EPS8: variants seen among roughly 807,000 people sequenced by gnomAD.
EPS8 encodes the protein EGFR pathway substrate 8, signaling adaptor, also known as epidermal growth factor receptor kinase substrate 8.
In EPS8, 42 loss-of-function variants were observed where a neutral mutation model predicts 103.8. The observed-to-expected ratio is 0.40, with a 90% CI of 0.32 to 0.52. The LOEUF is 0.52. EPS8 is among the 20% of genes least tolerant of loss of function. The pLI, the probability that EPS8 is intolerant of heterozygous loss-of-function variation, is 0.40. For missense variants in EPS8, 969 were observed against 1,005.1 expected, an observed-to-expected ratio of 0.96 and a Z score of 0.49; for synonymous variants, 344 against 344.6, an observed-to-expected ratio of 1.00 and a Z score of 0.02.
rs1946642480 is a variant in EPS8, at chr12:15,725,473, A to T, written c.-21-42501T>A. Among the ~76,000 whole-genome samples, 1 of 137,590 alleles carries T rather than the reference A, an allele frequency of 7.3e-6. No homozygotes were observed. The highest frequency in any genetic ancestry group is 2.2e-4 in the East Asian group (1 of 4,564). 90.3% of individuals were successfully genotyped at this position (137,590 alleles called of 152,430 possible). On this transcript the variant is annotated intron_variant, in intron 1 of 20. Coordinates refer to ENST00000281172, the MANE Select transcript of EPS8 (RefSeq NM_004447.6). This position sits in a 1 kb window ranked among gnomAD's most constrained non-coding sequence, Gnocchi z 4.5. The stretch of plus-strand genomic sequence containing the variant: ...TCTCAAAAAAAAAAGGAAAAAAACT[A>T]AAAAAAAAAAAAAAATCTGCATGGG...
chr12:15,773,961 A>T (rs914268640), intron 1 of EPS8, among the ~76,000 whole-genome samples: 4 of 152,170 alleles, frequency 2.6e-5, no homozygotes, highest in Non-Finnish European at 5.9e-5. Context: ...ATGCATTCAT[A>T]AATATTTGTT....
intron 3 of EPS8, among the ~76,000 whole-genome samples, chr12:15,680,483 C>T (rs1945986203): frequency 1.3e-5 from 2 of 152,138 alleles, no homozygotes; most frequent in African/African-American, 4.8e-5. Context: ...ATTAGGCACA[C>T]GCAGGTAAAT....
Position 15,641,742 on chromosome 12 carries a change from G to T in EPS8, c.1657C>A (p.Leu553Ile). The change falls in exon 16 of 21, where the codon CTA (leucine) becomes ATA (isoleucine). Residue 553 changes from leucine (L) to isoleucine (I), a missense_variant. Leu to Ile is a conservative substitution (Grantham distance 5, BLOSUM62 2). Transcript: ENST00000281172. ...VARNNSELSV[L>I]KDDILEILDD... ...ATTACCTCTAAAATATCATCCTTTA[G>T]AACCGAGAGCTCACTGTTGTTCCTT... The T allele has an allele frequency of 6.4e-7, 1 of 1,570,884 alleles. No individual in the cohort carries two copies. Among genetic ancestry groups the T allele is most frequent in the Middle Eastern group, 1.7e-4 (1 of 5,898 alleles).
At chr12:15,665,975 T>C in intron 7 of EPS8, 83 bp from the exon 8 acceptor site, 1 of 1,400,666 alleles carries the variant, frequency 7.1e-7, no homozygotes, top group South Asian at 1.3e-5. Context: ...GTACTAGTTA[T>C]TAAAATTCAA....
chr12:15,671,053 T>C (rs1177330888), intron 3 of EPS8, 130 bp from the exon 4 acceptor site: 2 of 568,436 alleles, frequency 3.5e-6, no homozygotes, highest in Non-Finnish European at 6.2e-6. Flanking sequence ...GTTGCCATTG[T>C]GTGGTGTATC....
chr12:15,756,256 C>T (rs1264612610), intron 1 of EPS8, among the ~76,000 whole-genome samples: 2 of 152,118 alleles, frequency 1.3e-5, no homozygotes, highest in Admixed American at 6.5e-5. Context: ...GTAGTCTAGA[C>T]AACAGGGTTC....
At chr12:15,680,066 T>G (rs1945978163) in intron 3 of EPS8, among the ~76,000 whole-genome samples, 1 of 152,188 alleles carries the variant, frequency 6.6e-6, no homozygotes, top group Admixed American at 6.5e-5. Context: ...TAGACCATGG[T>G]AATAATGTCA....
chr12:15,677,818 G>A (rs992300387), intron 3 of EPS8, among the ~76,000 whole-genome samples: 2 of 152,096 alleles, frequency 1.3e-5, no homozygotes, highest in Non-Finnish European at 2.9e-5. Flanking sequence ...CTCCCTCTGA[G>A]AGTTCTCAGA....
At chr12:15,686,457 T>A (rs1402424952) in intron 1 of EPS8, among the ~76,000 whole-genome samples, 1 of 152,160 alleles carries the variant, frequency 6.6e-6, no homozygotes, top group East Asian at 1.9e-4. Context: ...AATTTCCTTA[T>A]GAAAACACTT....
At chr12:15,634,775 T>C (rs1181494066) in intron 17 of EPS8, 1 of 398,546 alleles carries the variant, frequency 2.5e-6, no homozygotes, top group Non-Finnish European at 4.4e-6. Flanking sequence ...ATTAGGAAAA[T>C]GGAGCAAATC....
intron 1 of EPS8, among the ~76,000 whole-genome samples, chr12:15,720,302 G>C (rs1946581090): frequency 1.3e-5 from 2 of 152,110 alleles, no homozygotes; most frequent in Non-Finnish European, 2.9e-5. Flanking sequence ...CTTGGGATCA[G>C]ATGAGGTAAC....
At chr12:15,674,661 G>A (rs916760716) in intron 3 of EPS8, among the ~76,000 whole-genome samples, 8 of 152,138 alleles carry the variant, frequency 5.3e-5, no homozygotes, top group Admixed American at 2.0e-4. Flanking sequence ...CTGATTCCAT[G>A]AGGTAAAAAG....
intron 4 of EPS8, 37 bp downstream of exon 4, chr12:15,670,819 G>A: frequency 2.1e-6 from 3 of 1,399,752 alleles, no homozygotes; most frequent in South Asian, 2.4e-5. Flanking sequence ...TTCCTCAAGG[G>A]TCACTCTAAA....
At position 15,684,082 on chromosome 12, in the gene EPS8, T is replaced by C. The variant is rs557023281; in HGVS notation, c.-21-1110A>G. ...CAGTCTAGTGGGGGGAAACAGATAA[T>C]GAATAAGTGTAAAATTTTAAGTTGT... On this transcript the variant is annotated intron_variant, in intron 1 of 20. Coordinates refer to ENST00000281172, the MANE Select transcript of EPS8 (RefSeq NM_004447.6). This position sits in a 1 kb window ranked among gnomAD's most constrained non-coding sequence, Gnocchi z 4.9. The C allele has an allele frequency of 6.6e-6, 1 of 152,144 alleles. No individual in the cohort carries two copies. Among genetic ancestry groups the C allele is most frequent in the Non-Finnish European group, 1.5e-5 (1 of 68,024 alleles). 9.4% of individuals were successfully genotyped at this position (152,144 alleles called of 1,614,324 possible).
chr12:15,784,949 G>C lies in EPS8; in HGVS notation c.-22+4212C>G, dbSNP rs1474898677. Among the ~76,000 whole-genome samples, 1 of 152,112 alleles carries C rather than the reference G, an allele frequency of 6.6e-6. No homozygotes were observed. The highest frequency in any genetic ancestry group is 1.5e-5 in the Non-Finnish European group (1 of 67,962). On this transcript the variant is annotated intron_variant, in intron 1 of 20. Coordinates refer to ENST00000281172, the MANE Select transcript of EPS8 (RefSeq NM_004447.6). This position sits in a 1 kb window ranked among gnomAD's most constrained non-coding sequence, Gnocchi z 4.0. ...AGTAAAAAGATACGTGGTTTTCTGG[G>C]AGAGGGGCTCACAGAGGTTATGAGT...
chr12:15,731,125 G>A lies in EPS8; in HGVS notation c.-21-48153C>T, dbSNP rs1946711333. 6.6e-6 allele frequency among the ~76,000 whole-genome samples: 1 copy of A among 152,070 alleles called. No homozygotes were observed. The highest frequency in any genetic ancestry group is 2.4e-5 in the African/African-American group (1 of 41,408). ...ATGACATAGAAATTCATCTTTTTTAGATAGAATAATTAAAATGTCATGGGC... is the reference window on the plus strand; with the variant it reads ...ATGACATAGAAATTCATCTTTTTTAAATAGAATAATTAAAATGTCATGGGC... On this transcript the variant is annotated intron_variant, in intron 1 of 20. Coordinates refer to ENST00000281172, the MANE Select transcript of EPS8 (RefSeq NM_004447.6). The surrounding 1 kb of genome is among the most constrained non-coding windows in gnomAD (Gnocchi z 5.1).
At chr12:15,720,472 G>T (rs1946583112) in intron 1 of EPS8, among the ~76,000 whole-genome samples, 1 of 152,080 alleles carries the variant, frequency 6.6e-6, no homozygotes, top group Non-Finnish European at 1.5e-5. Context: ...TTACTCCAGG[G>T]TGACTAAGAA....
At chr12:15,709,749 G>A (rs556147278) in intron 1 of EPS8, among the ~76,000 whole-genome samples, 3 of 152,274 alleles carry the variant, frequency 2.0e-5, no homozygotes, top group Admixed American at 6.5e-5. Flanking sequence ...TGATATTCAC[G>A]GCTCTGCTTA....
In EPS8 at chr12:15,748,113, C is replaced by T. The variant is rs146070479; in HGVS notation, c.-22+41048G>A. On this transcript the variant is annotated intron_variant, in intron 1 of 20. Coordinates refer to ENST00000281172, the MANE Select transcript of EPS8 (RefSeq NM_004447.6). The surrounding 1 kb of genome is among the most constrained non-coding windows in gnomAD (Gnocchi z 4.8). Reference sequence around the variant, plus strand: ...CTATCAAAAGGTCTGTGCCAAGCCCCGCAACTTAATAACCCACAGTCAAAT... The same window carrying T: ...CTATCAAAAGGTCTGTGCCAAGCCCTGCAACTTAATAACCCACAGTCAAAT... 8.5e-5 allele frequency among the ~76,000 whole-genome samples: 13 copies of T among 152,068 alleles called. No homozygotes were observed. The highest frequency in any genetic ancestry group is 2.9e-4 in the African/African-American group (12 of 41,388).
Sources: gnomAD v4.1 joint callset for allele counts (sites outside exome capture counted in the v4.1 genomes callset) on GRCh38, gnomAD v4.1.1 for gene constraint, Gnocchi (gnomAD v3.1) non-coding constraint, MANE v1.5 for transcripts, NCBI Gene and HGNC (gene_info 2026-07-23, HGNC 2026-07-21) for gene names.